LMBRD2: variants seen among roughly 807,000 people sequenced by gnomAD.
LMBRD2 encodes the protein LMBR1 domain containing 2.
A neutral mutation model predicts 94.4 loss-of-function variants in LMBRD2; 55 were observed. The observed-to-expected ratio is 0.58, with a 90% CI of 0.47 to 0.73. LMBRD2 has a LOEUF of 0.73. Ranked by LOEUF, LMBRD2 falls within the 30% of genes least tolerant of loss-of-function variation. LMBRD2 has a pLI of 0.00. For synonymous variants in LMBRD2, 246 were observed against 272.4 expected (o/e 0.90, Z 0.95); for missense variants, 640 against 831.9 (o/e 0.77, Z 2.84).
intron 7 of LMBRD2, among the ~76,000 whole-genome samples, chr5:36,123,830 C>T (rs1174622279): frequency 1.3e-5 from 2 of 151,114 alleles, no homozygotes; most frequent in Admixed American, 6.6e-5. Context: ...TGTAAAATAA[C>T]GTGTAGGCAG....
At chr5:36,142,678 C>T (rs1215028536) in intron 2 of LMBRD2, 79 bp from the exon 3 acceptor site, 1 of 782,522 alleles carries the variant, frequency 1.3e-6, no homozygotes, top group Admixed American at 2.0e-5. Context: ...GTTTATAAAT[C>T]TATCTATCTA....
chr5:36,151,034 C>T lies in LMBRD2; in HGVS notation c.-58+522G>A, dbSNP rs138302538. Among the ~76,000 whole-genome samples, 56 of 152,274 alleles carry T rather than the reference C, an allele frequency of 3.7e-4. No homozygotes were observed. The highest frequency in any genetic ancestry group is 7.1e-4 in the Non-Finnish European group (48 of 68,020). ...CCCCTTCCCTCTTCCACTGTTTTCCCGGGGTCACAGTTGTAGTATAGTTTG... is the reference window on the plus strand; with the variant it reads ...CCCCTTCCCTCTTCCACTGTTTTCCTGGGGTCACAGTTGTAGTATAGTTTG... On this transcript the variant is annotated intron_variant, in intron 1 of 17. Transcript: ENST00000296603. This position sits in a 1 kb window ranked among gnomAD's most constrained non-coding sequence, Gnocchi z 4.7.
intron 4 of LMBRD2, among the ~76,000 whole-genome samples, chr5:36,139,525 G>T (rs1744352563): frequency 1.3e-5 from 2 of 152,216 alleles, no homozygotes; most frequent in Non-Finnish European, 2.9e-5. Flanking sequence ...CAGCTCTGTG[G>T]ACCAGAGTGA....
intron 6 of LMBRD2, among the ~76,000 whole-genome samples, chr5:36,131,280 G>A (rs959621744): frequency 7.9e-5 from 12 of 151,882 alleles, no homozygotes; most frequent in Non-Finnish European, 1.3e-4. Flanking sequence ...GATAAAATTC[G>A]GCATCCCTTT....
chr5:36,138,878 G>A (rs1744335247), intron 4 of LMBRD2, among the ~76,000 whole-genome samples: 2 of 152,230 alleles, frequency 1.3e-5, no homozygotes, highest in African/African-American at 4.8e-5. Flanking sequence ...GAGCTGAAGG[G>A]GATGGATCCA....
At position 36,137,263 on chromosome 5, in the gene LMBRD2, A is replaced by G; in HGVS notation, c.536+11T>C. 8 of 1,530,676 alleles carry G rather than the reference A, an allele frequency of 5.2e-6. No individual in the cohort carries two copies. Among genetic ancestry groups the G allele is most frequent in the Non-Finnish European group, 7.1e-6 (8 of 1,121,734 alleles). The allele number at this position is 1,530,676 out of a possible 1,614,324, so 94.8% of individuals were successfully genotyped here. A position where few individuals can be genotyped will look rare whatever the true frequency, so the allele number is the denominator to read the frequency against. ...ACATTAAAGCAATGTTAAGAAGACT[A>G]CTTTTCTTACCATTCTAAATGTAAA... On this transcript the variant is annotated intron_variant, in intron 5 of 17. Coordinates refer to ENST00000296603, the MANE Select transcript of LMBRD2 (RefSeq NM_001007527.2).
intron 13 of LMBRD2, among the ~76,000 whole-genome samples, chr5:36,113,298 G>T (rs1475948896): frequency 6.6e-6 from 1 of 151,996 alleles, no homozygotes; most frequent in East Asian, 1.9e-4. Flanking sequence ...CCCCCTGCTT[G>T]CTCAATCTAT....
intron 17 of LMBRD2, 86 bp from the exon 18 acceptor site, chr5:36,104,192 GC>G: frequency 9.5e-7 from 1 of 1,049,938 alleles, no homozygotes; most frequent in Non-Finnish European, 1.5e-6. Context: ...AAAGGGAGTG[GC>G]CATATAATTT....
rs1220061177 is a variant in LMBRD2, at chr5:36,099,937, A to G, written c.*4109T>C. On this transcript the variant is annotated 3_prime_UTR_variant, in exon 18 of 18. Transcript: ENST00000296603. ...TGTTCCTGCTGCAGTGGGAAGTAAGACAGAGCAGGACTACGGCCTGCCCTA... is the reference window on the plus strand; with the variant it reads ...TGTTCCTGCTGCAGTGGGAAGTAAGGCAGAGCAGGACTACGGCCTGCCCTA... 6.6e-6 allele frequency: 1 copy of G among 152,108 alleles called. No individual in the cohort carries two copies. Among genetic ancestry groups the G allele is most frequent in the Non-Finnish European group, 1.5e-5 (1 of 68,006 alleles). The allele number at this position is 152,108 out of a possible 1,614,324, so 9.4% of individuals were successfully genotyped here.
In LMBRD2 at chr5:36,122,286, T is replaced by C. The variant is rs758059399; in HGVS notation, c.1114A>G (p.Thr372Ala). ...NRFIQYFYNP[T>A]FEWYWECLLR... ...TTTATATCAAATTACATACCAAATG[T>C]AGGATTATAAAAATATTGGATAAAT... Residue 372 changes from threonine to alanine, a missense_variant, in exon 9 of 18, where the codon ACA becomes GCA. Transcript: ENST00000296603. 1.3e-6 allele frequency: 2 copies of C among 1,583,462 alleles called. No individual in the cohort carries two copies. Among genetic ancestry groups the C allele is most frequent in the Admixed American group, 1.9e-5 (1 of 51,872 alleles).
chr5:36,114,504 T>C lies in LMBRD2; in HGVS notation c.1560A>G (p.Lys520=). ...TAYTSIMGSM[K]VLSFIADGFY... Reference sequence around the variant, plus strand: ...ATCCATCTGCAATAAAGGATAAAACTTTCATGGAACCCATAATCTGAAGAG... The same window carrying C: ...ATCCATCTGCAATAAAGGATAAAACCTTCATGGAACCCATAATCTGAAGAG... Residue 520 remains lysine (K), a synonymous_variant, in exon 13 of 18, where the codon AAA becomes AAG. Coordinates refer to ENST00000296603, the MANE Select transcript of LMBRD2 (RefSeq NM_001007527.2). 1 of 1,554,582 alleles carries C rather than the reference T, an allele frequency of 6.4e-7. No homozygotes were observed. The highest frequency in any genetic ancestry group is 8.6e-7 in the Non-Finnish European group (1 of 1,156,812).
intron 17 of LMBRD2, 150 bp from the exon 18 acceptor site, chr5:36,104,256 G>T: frequency 3.2e-6 from 2 of 629,202 alleles, no homozygotes; most frequent in South Asian, 1.8e-5. Context: ...TACCCTCCAA[G>T]TATATTATCC....
intron 8 of LMBRD2, 78 bp from the exon 9 acceptor site, chr5:36,122,541 G>T: frequency 1.6e-6 from 2 of 1,237,390 alleles, no homozygotes; most frequent in Non-Finnish European, 2.3e-6. Flanking sequence ...GAGCATGTTT[G>T]GATTGTCATA....
At chr5:36,124,877 T>C (rs757732650) in intron 6 of LMBRD2, among the ~76,000 whole-genome samples, 1 of 152,128 alleles carries the variant, frequency 6.6e-6, no homozygotes, top group Non-Finnish European at 1.5e-5. Context: ...AGTGAAACCC[T>C]GTCTCTACCA....
intron 6 of LMBRD2, among the ~76,000 whole-genome samples, chr5:36,133,891 A>T (rs1418004178): frequency 6.6e-6 from 1 of 152,136 alleles, no homozygotes; most frequent in African/African-American, 2.4e-5. Context: ...CATAACTCAA[A>T]TAATAGCTGG....
At chr5:36,116,804 G>A (rs1218655629) in intron 10 of LMBRD2, among the ~76,000 whole-genome samples, 1 of 152,114 alleles carries the variant, frequency 6.6e-6, no homozygotes, top group Non-Finnish European at 1.5e-5. Flanking sequence ...AGCCAACTGA[G>A]TAGCTGGGAT....
At chr5:36,116,230 G>A (rs1743741705) in intron 11 of LMBRD2, among the ~76,000 whole-genome samples, 1 of 152,128 alleles carries the variant, frequency 6.6e-6, no homozygotes, top group Non-Finnish European at 1.5e-5. Context: ...GGCTCACTAA[G>A]TATGCTTCTT....
chr5:36,137,304 A>T lies in LMBRD2; in HGVS notation c.506T>A (p.Val169Glu). Residue 169 changes from valine (V) to glutamate (E), a missense_variant, in exon 5 of 18, where the codon GTA (valine) becomes GAA (glutamate). Val to Glu is a moderately radical substitution (Grantham distance 121). This residue lies in a region of LMBRD2 where 457 missense variants were observed against 642.8 expected (regional missense o/e 0.71). Transcript: ENST00000296603. ...TAAATGTAAATGTGGGTTTACAGCTACATAAATTAAAAATGCTCCAAAAAT... is the reference window on the plus strand; with the variant it reads ...TAAATGTAAATGTGGGTTTACAGCTTCATAAATTAAAAATGCTCCAAAAAT... ...LLIFGAFLIY[V>E]AVNPHLHLEW... 6.2e-7 allele frequency: 1 copy of T among 1,602,282 alleles called. No individual in the cohort carries two copies. The highest frequency in any genetic ancestry group is 8.5e-7 in the Non-Finnish European group (1 of 1,171,600).
rs1162943147 is a variant in LMBRD2, at chr5:36,141,217, G to A, written c.273-15C>T. The A allele has an allele frequency of 6.7e-7, 1 of 1,501,618 alleles. No individual in the cohort carries two copies. Among genetic ancestry groups the A allele is most frequent in the Non-Finnish European group, 9.2e-7 (1 of 1,086,616 alleles). The allele number at this position is 1,501,618 out of a possible 1,614,324, so 93.0% of individuals were successfully genotyped here. Reference sequence around the variant, plus strand: ...AAGGATGCTGGCTGTTGAATAAAAAGTTAAAGCCAACTAATCATAAATGAC... The same window carrying A: ...AAGGATGCTGGCTGTTGAATAAAAAATTAAAGCCAACTAATCATAAATGAC... On this transcript the variant is annotated splice_polypyrimidine_tract_variant and intron_variant, in intron 3 of 17. Transcript: ENST00000296603.
Sources: gnomAD v4.1 joint callset for allele counts (sites outside exome capture counted in the v4.1 genomes callset) on GRCh38, gnomAD v4.1.1 for gene constraint, gnomAD v4.1.1 regional missense constraint, Gnocchi (gnomAD v3.1) non-coding constraint, MANE v1.5 for transcripts, NCBI Gene and HGNC (gene_info 2026-07-23, HGNC 2026-07-21) for gene names.